The following GHR variants were observed in gnomAD, a reference collection of about 807,000 sequenced individuals.
GHR encodes GH receptor.
GHR carries 35 observed loss-of-function variants against 67.1 expected under a neutral mutation model. That is an observed-to-expected ratio of 0.52 (90% CI 0.40 to 0.69). The LOEUF (loss-of-function observed/expected upper bound fraction) is 0.69. Among genes scored for constraint, GHR ranks in the 30% least tolerant of loss-of-function variants. GHR has a pLI of 0.00. For synonymous variants in GHR, 272 were observed against 269.1 expected, an observed-to-expected ratio of 1.01 and a Z score of -0.10; for missense variants, 792 against 764.6, an observed-to-expected ratio of 1.04 and a Z score of -0.42.
At chr5:42,663,645 A>C (rs1755788033) in intron 3 of GHR, among the ~76,000 whole-genome samples, 1 of 152,236 alleles carries the variant, frequency 6.6e-6, no homozygotes, top group African/African-American at 2.4e-5. Flanking sequence ...ATCATACTGA[A>C]TGGGCAAAAA....
chr5:42,610,279 A>G (rs1309825754), intron 2 of GHR, among the ~76,000 whole-genome samples: 5 of 152,098 alleles, frequency 3.3e-5, no homozygotes, highest in Non-Finnish European at 5.9e-5. Context: ...AACTGATCTG[A>G]TGTGAACCCC....
chr5:42,581,290 G>C (rs760815245), intron 2 of GHR, among the ~76,000 whole-genome samples: 10 of 152,180 alleles, frequency 6.6e-5, no homozygotes, highest in Non-Finnish European at 1.2e-4. Context: ...TTTTCCAACT[G>C]TCAGTGGAGT....
intron 1 of GHR, among the ~76,000 whole-genome samples, chr5:42,481,672 C>G (rs1383313239): frequency 3.3e-5 from 5 of 152,192 alleles, no homozygotes; most frequent in African/African-American, 7.2e-5. Context: ...CAGTTGATCT[C>G]ATCGGCTACT....
At chr5:42,467,988 T>A in intron 1 of GHR, 2 of 730,150 alleles carry the variant, frequency 2.7e-6, no homozygotes, top group South Asian at 1.8e-5. Flanking sequence ...CTCTTTAACA[T>A]GTTTTCTTTT....
chr5:42,547,151 C>T (rs578049834), intron 1 of GHR, among the ~76,000 whole-genome samples: 42 of 152,312 alleles, frequency 2.8e-4, no homozygotes, highest in South Asian at 1.0e-3. Flanking sequence ...ATTTTCCCCT[C>T]TAAGTGTTTC....
At chr5:42,481,276 T>G (rs1408188957) in intron 1 of GHR, among the ~76,000 whole-genome samples, 1 of 152,234 alleles carries the variant, frequency 6.6e-6, no homozygotes, top group African/African-American at 2.4e-5. Flanking sequence ...CTGATGGGCT[T>G]CCCTTTCTGG....
intron 3 of GHR, among the ~76,000 whole-genome samples, chr5:42,634,766 G>A (rs187096704): frequency 4.8e-4 from 73 of 152,218 alleles, no homozygotes; most frequent in African/African-American, 1.7e-3. Context: ...AGTGTCATGG[G>A]TCGGTCTTGG....
chr5:42,587,921 G>A (rs555274876), intron 2 of GHR, among the ~76,000 whole-genome samples: 84 of 152,068 alleles, frequency 5.5e-4, no homozygotes, highest in Admixed American at 4.1e-3. Context: ...AGTTATAATC[G>A]CCCAGGAAGG....
chr5:42,706,874 T>A (rs1758201744), intron 6 of GHR, among the ~76,000 whole-genome samples: 1 of 152,052 alleles, frequency 6.6e-6, no homozygotes, highest in South Asian at 2.1e-4. Flanking sequence ...TTTGGGCTGT[T>A]TTTTGCTTCC....
intron 1 of GHR, among the ~76,000 whole-genome samples, chr5:42,432,364 G>T (rs543569746): frequency 1.3e-5 from 2 of 152,290 alleles, no homozygotes; most frequent in Admixed American, 1.3e-4. Flanking sequence ...GAGAGAAAAG[G>T]TGCATAATTG....
intron 2 of GHR, among the ~76,000 whole-genome samples, chr5:42,587,288 A>C (rs1438453110): frequency 6.6e-6 from 1 of 152,142 alleles, no homozygotes; most frequent in Admixed American, 6.5e-5. Context: ...TAGGGATCTT[A>C]TTGAAATAGT....
At chr5:42,634,084 CTTACTTCCTGTA>C (rs1358090479) in intron 3 of GHR, among the ~76,000 whole-genome samples, 1 of 152,064 alleles carries the variant, frequency 6.6e-6, no homozygotes, top group Non-Finnish European at 1.5e-5. Flanking sequence ...AGTTCTACTG[CTTACTTCCTGTA>C]TGATCTTCTC....
At chr5:42,579,385 G>A (rs985087784) in intron 2 of GHR, among the ~76,000 whole-genome samples, 56 of 152,194 alleles carry the variant, frequency 3.7e-4, no homozygotes, top group Admixed American at 2.3e-3. Context: ...TACATGAAAC[G>A]TTGCAGCATT....
chr5:42,601,663 T>C (rs1486582084), intron 2 of GHR, among the ~76,000 whole-genome samples: 1 of 152,142 alleles, frequency 6.6e-6, no homozygotes, highest in African/African-American at 2.4e-5. Flanking sequence ...CTCTAATCCT[T>C]GACAGGACTA....
intron 3 of GHR, among the ~76,000 whole-genome samples, chr5:42,633,246 A>G (rs529010030): frequency 3.3e-5 from 5 of 152,316 alleles, no homozygotes; most frequent in Admixed American, 1.3e-4. Context: ...TGAATATCCA[A>G]CTGGAGCAAG....
chr5:42,657,153 G>T (rs879287405), intron 3 of GHR, among the ~76,000 whole-genome samples: 1 of 152,082 alleles, frequency 6.6e-6, no homozygotes, highest in Admixed American at 6.6e-5. Flanking sequence ...ATCATTAAGA[G>T]ATCATCTCAG....
chr5:42,537,831 G>A (rs1189216633), intron 1 of GHR, among the ~76,000 whole-genome samples: 1 of 151,996 alleles, frequency 6.6e-6, no homozygotes, highest in Non-Finnish European at 1.5e-5. Flanking sequence ...TATAAATTTG[G>A]AACCTCCAGT....
chr5:42,539,085 A>G (rs1233044506), intron 1 of GHR, among the ~76,000 whole-genome samples: 1 of 151,766 alleles, frequency 6.6e-6, no homozygotes, highest in Non-Finnish European at 1.5e-5. Context: ...CCCTGCTTGT[A>G]TCATTTCGTT....
chr5:42,432,264 T>A (rs185722699), intron 1 of GHR, among the ~76,000 whole-genome samples: 30 of 152,350 alleles, frequency 2.0e-4, no homozygotes, highest in Admixed American at 7.8e-4. Flanking sequence ...ATTATATCTA[T>A]CTTTTAAAAC....
Sources: gnomAD v4.1 joint callset for allele counts (sites outside exome capture counted in the v4.1 genomes callset) on GRCh38, gnomAD v4.1.1 for gene constraint, MANE v1.5 for transcripts, NCBI Gene and HGNC (gene_info 2026-07-23, HGNC 2026-07-21) for gene names.